Variants in RGS6 observed in about 807,000 individuals in gnomAD.
The protein encoded by RGS6 is regulator of G protein signaling 6, also known as regulator of G-protein signaling 6.
RGS6 carries 30 observed loss-of-function variants against 78.5 expected under a neutral mutation model. That is an observed-to-expected ratio of 0.38 (90% CI 0.29 to 0.52). The LOEUF (loss-of-function observed/expected upper bound fraction) is 0.52. RGS6 is among the 20% of genes least tolerant of loss of function. The probability of loss-of-function intolerance (pLI) is 0.85; values close to 1 mark genes in which losing one functional copy is unlikely to be tolerated. For missense variants in RGS6, 495 were observed against 609.7 expected, an observed-to-expected ratio of 0.81 and a Z score of 1.98; for synonymous variants, 206 against 206.0, an observed-to-expected ratio of 1.00 and a Z score of 0.00.
At chr14:72,353,011 T>C (rs1194811470) in intron 3 of RGS6, among the ~76,000 whole-genome samples, 15 of 152,210 alleles carry the variant, frequency 9.9e-5, no homozygotes, top group Admixed American at 9.8e-4. Context: ...TATATACCTT[T>C]TAGAATGGCT....
chr14:71,997,113 C>G (rs571308182), intron 2 of RGS6, among the ~76,000 whole-genome samples: 1 of 152,158 alleles, frequency 6.6e-6, no homozygotes, highest in East Asian at 1.9e-4. Context: ...TTACTGACAC[C>G]TGAGATGGAG....
chr14:72,546,433 C>T (rs2097404584), intron 17 of RGS6, among the ~76,000 whole-genome samples: 1 of 152,152 alleles, frequency 6.6e-6, no homozygotes, highest in Admixed American at 6.5e-5. Context: ...CAAAAAAGGC[C>T]AGAAGTTGGT....
At chr14:72,413,696 G>T (rs1345992615) in intron 3 of RGS6, among the ~76,000 whole-genome samples, 1 of 152,176 alleles carries the variant, frequency 6.6e-6, no homozygotes, top group Non-Finnish European at 1.5e-5. Flanking sequence ...TTTTTGCAGT[G>T]GCTGGTACTG....
chr14:72,483,390 T>A (rs1363770943), intron 12 of RGS6, among the ~76,000 whole-genome samples: 1 of 152,016 alleles, frequency 6.6e-6, no homozygotes, highest in Non-Finnish European at 1.5e-5. Flanking sequence ...GCTGAATTGA[T>A]TTTTTTTAGC....
chr14:72,345,272 T>C (rs1256625091), intron 2 of RGS6, among the ~76,000 whole-genome samples: 1 of 152,176 alleles, frequency 6.6e-6, no homozygotes, highest in African/African-American at 2.4e-5. Flanking sequence ...TCTGCAGCAA[T>C]GTCAGCACCA....
At chr14:72,569,501 G>A (rs1359214795), downstream of RGS6, among the ~76,000 whole-genome samples, 2 of 152,172 alleles carry the variant, frequency 1.3e-5, no homozygotes, top group African/African-American at 2.4e-5. Flanking sequence ...TCAACATGGT[G>A]AAACCCCATC....
At chr14:72,507,487 C>A (rs1437519273) in intron 13 of RGS6, among the ~76,000 whole-genome samples, 1 of 152,148 alleles carries the variant, frequency 6.6e-6, no homozygotes, top group East Asian at 1.9e-4. Context: ...TATCCTGTCT[C>A]TCTAGACCCA....
chr14:71,875,481 G>A, the RGS6 span, among the ~76,000 whole-genome samples: 6 of 152,012 alleles, frequency 3.9e-5, no homozygotes, highest in East Asian at 1.9e-4. Flanking sequence ...CTGTGGGATC[G>A]GTGATGATAT....
At chr14:72,452,365 G>A (rs1445841969) in intron 3 of RGS6, among the ~76,000 whole-genome samples, 4 of 152,130 alleles carry the variant, frequency 2.6e-5, no homozygotes, top group East Asian at 1.9e-4. Context: ...TGAGGTTGGC[G>A]CGGGGAAACT....
chr14:72,183,532 T>C (rs1163222586), intron 2 of RGS6, among the ~76,000 whole-genome samples: 1 of 152,222 alleles, frequency 6.6e-6, no homozygotes, highest in African/African-American at 2.4e-5. Context: ...AGAACAATTA[T>C]TAATCTTCAA....
At chr14:72,325,393 G>A (rs1022392115) in intron 2 of RGS6, among the ~76,000 whole-genome samples, 25 of 152,024 alleles carry the variant, frequency 1.6e-4, no homozygotes, top group Admixed American at 3.9e-4. Context: ...TTTTGTTGCC[G>A]TTGCTTTTGG....
At chr14:72,092,454 T>C (rs542081306) in intron 2 of RGS6, among the ~76,000 whole-genome samples, 1 of 152,176 alleles carries the variant, frequency 6.6e-6, no homozygotes, top group African/African-American at 2.4e-5. Context: ...CAATCTCAGC[T>C]CACTGCAACC....
chr14:72,029,610 G>A (rs2090504921), intron 2 of RGS6, among the ~76,000 whole-genome samples: 1 of 152,150 alleles, frequency 6.6e-6, no homozygotes, highest in Non-Finnish European at 1.5e-5. Flanking sequence ...GGATGGAGTG[G>A]GAATGTGTGT....
chr14:72,482,489 A>C (rs2096401644), intron 12 of RGS6, among the ~76,000 whole-genome samples: 1 of 152,130 alleles, frequency 6.6e-6, no homozygotes, highest in Non-Finnish European at 1.5e-5. Flanking sequence ...GGCTTTTACT[A>C]TTGCTCACAT....
At chr14:72,415,689 C>A (rs11158954) in intron 3 of RGS6, among the ~76,000 whole-genome samples, 1 of 152,078 alleles carries the variant, frequency 6.6e-6, no homozygotes, top group Non-Finnish European at 1.5e-5. Context: ...TCCACCCCCC[C>A]GGCAACTGCC....
chr14:72,295,933 G>C (rs1028882678), intron 2 of RGS6, among the ~76,000 whole-genome samples: 43 of 152,330 alleles, frequency 2.8e-4, no homozygotes, highest in African/African-American at 1.0e-3. Flanking sequence ...AGTTTGATCT[G>C]TGTTGACTAT....
intron 2 of RGS6, among the ~76,000 whole-genome samples, chr14:72,227,974 A>G (rs1441212917): frequency 1.3e-5 from 2 of 152,212 alleles, no homozygotes; most frequent in Non-Finnish European, 2.9e-5. Flanking sequence ...GGGTACCAGG[A>G]GATCTTAACA....
intron 1 of RGS6, among the ~76,000 whole-genome samples, chr14:71,957,751 G>A (rs1451696316): frequency 2.6e-5 from 4 of 151,974 alleles, no homozygotes; most frequent in Non-Finnish European, 4.4e-5. Flanking sequence ...TTAACAGATG[G>A]AATGCAAAAT....
chr14:71,938,683 A>G (rs894086035), intron 1 of RGS6, among the ~76,000 whole-genome samples: 5 of 152,138 alleles, frequency 3.3e-5, no homozygotes, highest in Non-Finnish European at 5.9e-5. Context: ...GATCACGTAT[A>G]TACCACTTCC....
Sources: allele counts gnomAD v4.1 joint callset (sites outside exome capture counted in the v4.1 genomes callset), GRCh38; gene constraint gnomAD v4.1.1; transcripts MANE v1.5; gene names NCBI Gene and HGNC (gene_info 2026-07-23, HGNC 2026-07-21).